The following HDAC6 variants were observed in gnomAD, a reference collection of about 807,000 sequenced individuals.
The protein encoded by HDAC6 is protein deacetylase HDAC6.
In HDAC6, 5 loss-of-function variants were observed where a neutral mutation model predicts 88.9. The observed-to-expected ratio is 0.06, with a 90% CI of 0.03 to 0.12. The LOEUF (loss-of-function observed/expected upper bound fraction) is 0.12, where lower values mean the gene tolerates loss of function less well. HDAC6 is among the 10% of genes least tolerant of loss of function. HDAC6 has a pLI of 1.00. For synonymous variants in HDAC6, 378 were observed against 398.0 expected (o/e 0.95, Z 0.60); for missense variants, 706 against 1,014.4 (o/e 0.70, Z 4.13).
chrX:48,803,518 A>T (rs2147324724), intron 4 of HDAC6: 1 of 275,152 alleles, frequency 3.6e-6, no homozygotes, highest in Admixed American at 5.4e-5. Context: ...GAGGTGTTTA[A>T]TGAAGACAGA....
rs1557023854 is a variant in HDAC6 at position 48,805,452 on chromosome X, C to T, written c.326C>T (p.Pro109Leu). 1 of 1,209,551 alleles carries T rather than the reference C, an allele frequency of 8.3e-7. No individual in the cohort carries two copies. Among genetic ancestry groups the T allele is most frequent in the Non-Finnish European group, 1.1e-6 (1 of 893,935 alleles). ...CATCTCCCCAGCTTCCCGGAAGGCC[C>T]TGAGCGGCTCCATGCCATCAAGGAG... Reference protein sequence around the residue: ...CLWDDSFPEGPERLHAIKEQL... With the variant: ...CLWDDSFPEGLERLHAIKEQL... Residue 109 changes from proline to leucine, a missense_variant, in exon 5 of 29, where the codon CCT becomes CTT. By Grantham distance (98) the Pro-to-Leu change is moderately conservative. Transcript: ENST00000334136.
At chrX:48,814,352 G>T in intron 10 of HDAC6, 88 bp from the exon 11 acceptor site, 1 of 949,075 alleles carries the variant, frequency 1.1e-6, no homozygotes, top group South Asian at 2.2e-5. Context: ...GGAAATGAGT[G>T]GTAGAGGAAA....
intron 8 of HDAC6, chrX:48,807,057 G>A (rs1000655280): frequency 1.5e-5 from 2 of 134,664 alleles, no homozygotes; most frequent in Admixed American, 1.7e-4. Context: ...AGTATTTTCT[G>A]CTTCGTTTTT....
chrX:48,803,445 G>A, intron 4 of HDAC6: 3 of 398,770 alleles, frequency 7.5e-6, no homozygotes, highest in Non-Finnish European at 1.3e-5. Flanking sequence ...ACAGACAGGG[G>A]TCCTTCTCTA....
chrX:48,805,424 C>G lies in HDAC6; in HGVS notation c.312-14C>G. 1.7e-6 allele frequency: 2 copies of G among 1,188,942 alleles called. No homozygotes were observed. Among genetic ancestry groups the G allele is most frequent in the Non-Finnish European group, 2.3e-6 (2 of 876,772 alleles). On this transcript the variant is annotated splice_polypyrimidine_tract_variant and intron_variant, in intron 4 of 28. Coordinates refer to ENST00000334136, the MANE Select transcript of HDAC6 (RefSeq NM_006044.4). Reference sequence around the variant, plus strand: ...TGTCCTCATGCATCTGTGACTGTGACTCCATCTCCCCAGCTTCCCGGAAGG... The same window carrying G: ...TGTCCTCATGCATCTGTGACTGTGAGTCCATCTCCCCAGCTTCCCGGAAGG...
chrX:48,820,091 C>T lies in HDAC6; in HGVS notation c.2188-15C>T. 8.3e-7 allele frequency: 1 copy of T among 1,209,418 alleles called. No homozygotes were observed. Among genetic ancestry groups the T allele is most frequent in the Non-Finnish European group, 1.1e-6 (1 of 894,281 alleles). On this transcript the variant is annotated splice_polypyrimidine_tract_variant and intron_variant, in intron 22 of 28. Coordinates refer to ENST00000334136, the MANE Select transcript of HDAC6 (RefSeq NM_006044.4). ...CTACCCTCATGCTTATACATCTCTT[C>T]TCTCCCTGCCTCAGTTTAACCCAGA...
chrX:48,822,983 A>C lies in HDAC6; in HGVS notation c.2584A>C (p.Arg862=), dbSNP rs781879219. ...GAAGGCACCCCAACCAGCCAAACCT[A>C]GGTTAGCTGAGCGGATGACCACACG... ...TKKAPQPAKP[R]LAERMTTREK... Residue 862 remains arginine, a synonymous_variant, in exon 25 of 29, where the codon AGG becomes CGG. Transcript: ENST00000334136. 4.1e-6 allele frequency: 5 copies of C among 1,209,898 alleles called. No individual in the cohort carries two copies. Among genetic ancestry groups the C allele is most frequent in the Non-Finnish European group, 5.6e-6 (5 of 894,436 alleles).
At chrX:48,806,531 C>T in intron 7 of HDAC6, 67 bp downstream of exon 7, 1 of 1,069,713 alleles carries the variant, frequency 9.3e-7, no homozygotes, top group South Asian at 1.9e-5. Flanking sequence ...TATGCCCACC[C>T]CACCCTGGGG....
chrX:48,818,575 C>T (rs1483148221), intron 22 of HDAC6, among the ~76,000 whole-genome samples, 163 bp downstream of exon 22: 1 of 112,278 alleles, frequency 8.9e-6, no homozygotes, highest in Non-Finnish European at 1.9e-5. Flanking sequence ...TGGCTGTGAT[C>T]ACCTTGTGTA....
At chrX:48,820,994 C>T (rs4824729) in intron 23 of HDAC6, among the ~76,000 whole-genome samples, 42 of 110,312 alleles carry the variant, frequency 3.8e-4, no homozygotes, top group Non-Finnish European at 6.8e-4. Flanking sequence ...CCCGCCACCA[C>T]GCCCAGCTAA....
chrX:48,821,768 A>T (rs782307222), intron 23 of HDAC6, among the ~76,000 whole-genome samples: 74 of 111,542 alleles, frequency 6.6e-4, no homozygotes, highest in African/African-American at 2.3e-3. Context: ...TCGGCCTCCC[A>T]AAGTGCTGGG....
Position 48,808,151 on chromosome X carries a change from G to A in HDAC6, c.737+14G>A, listed in dbSNP as rs2147341135. 2.5e-6 allele frequency: 3 copies of A among 1,180,297 alleles called. No homozygotes were observed. Among genetic ancestry groups the A allele is most frequent in the East Asian group, 3.0e-5 (1 of 33,423 alleles). ...CCGCATCCGGAGGTCAGCAACAGAG[G>A]GCAGATGTGATGGGGGTGGCATGGG... is the stretch of plus-strand genomic sequence containing the variant. On this transcript the variant is annotated intron_variant, in intron 9 of 28. Transcript: ENST00000334136.
At position 48,822,764 on chromosome X, in the gene HDAC6, C is replaced by T. The variant is rs950227357; in HGVS notation, c.2482C>T (p.Arg828Cys). The T allele has an allele frequency of 5.0e-6, 6 of 1,202,878 alleles. No homozygotes were observed. Among genetic ancestry groups the T allele is most frequent in the Admixed American group, 2.2e-5 (1 of 44,657 alleles). Residue 828 changes from arginine (R) to cysteine (C), a missense_variant, in exon 24 of 29, where the codon CGC becomes TGC. Arg to Cys is a radical substitution (Grantham distance 180). Coordinates refer to ENST00000334136, the MANE Select transcript of HDAC6 (RefSeq NM_006044.4). ...ASITETIQVHRRYWRSLRVMK... is the reference protein window; with the variant it reads ...ASITETIQVHCRYWRSLRVMK... ...AATCACTGAGACCATCCAAGTCCAT[C>T]GCAGATACTGGCGCAGCTTACGGGT... is the stretch of plus-strand genomic sequence containing the variant.
In HDAC6 at chrX:48,823,675, G is replaced by A; in HGVS notation, c.3193G>A (p.Ala1065Thr). ...TLELGSESQG[A>T]SESQAPGEEN... ...TCTCTTACTTCTGCGTGTCCAGGGG[G>A]CCTCAGAATCTCAGGCCCCAGGAGA... is the stretch of plus-strand genomic sequence containing the variant. The change falls in exon 26 of 29, where the codon GCC (alanine) becomes ACC (threonine). Residue 1065 changes from alanine (A) to threonine (T), a missense_variant. Ala to Thr is a moderately conservative substitution (Grantham distance 58). Around this residue, in one of 9 missense-constraint regions of HDAC6, gnomAD observed 112 missense variants for 95.1 expected, o/e 1.18. Coordinates refer to ENST00000334136, the MANE Select transcript of HDAC6 (RefSeq NM_006044.4). The A allele has an allele frequency of 1.7e-6, 2 of 1,204,429 alleles. No individual in the cohort carries two copies. Among genetic ancestry groups the A allele is most frequent in the Non-Finnish European group, 2.2e-6 (2 of 890,145 alleles).
At position 48,816,167 on chromosome X, in the gene HDAC6, T is replaced by C; in HGVS notation, c.1520T>C (p.Ile507Thr). The change falls in exon 18 of 29, where the codon ATC becomes ACC. Residue 507 changes from isoleucine (I) to threonine (T), a missense_variant. By Grantham distance (89) the Ile-to-Thr change is moderately conservative (BLOSUM62 -1). This residue lies in a region of HDAC6 where 106 missense variants were observed against 135.1 expected (regional missense o/e 0.78). Transcript: ENST00000334136. Reference sequence around the variant, plus strand: ...CACCACCCTGAGGTACCCCAGCGCATCTTGCGGATCATGTGCCGTCTGGAG... The same window carrying C: ...CACCACCCTGAGGTACCCCAGCGCACCTTGCGGATCATGTGCCGTCTGGAG... ...DSHHPEVPQR[I>T]LRIMCRLEEL... 8.3e-7 allele frequency: 1 copy of C among 1,211,184 alleles called. No individual in the cohort carries two copies. The highest frequency in any genetic ancestry group is 1.1e-6 in the Non-Finnish European group (1 of 895,503).
At chrX:48,818,695 C>T (rs1326057443) in intron 22 of HDAC6, among the ~76,000 whole-genome samples, 1 of 112,213 alleles carries the variant, frequency 8.9e-6, no homozygotes, top group Non-Finnish European at 1.9e-5. Context: ...TGGCCCGTGT[C>T]CTGGCTGGAT....
At chrX:48,813,484 C>G (rs986313472) in intron 10 of HDAC6, 8 of 111,730 alleles carry the variant, frequency 7.2e-5, no homozygotes, top group Non-Finnish European at 1.5e-4. Flanking sequence ...CAATGCATAC[C>G]ACTATTTCTT....
chrX:48,810,110 C>G (rs2008290), intron 10 of HDAC6, among the ~76,000 whole-genome samples: 12,279 of 104,978 alleles, frequency 0.12, 797 homozygotes, highest in Middle Eastern at 0.18. Flanking sequence ...GGGTATCACT[C>G]TGTCACCCAG....
chrX:48,805,473 A>G lies in HDAC6; in HGVS notation c.347A>G (p.Lys116Arg). The change falls in exon 5 of 29, where the codon AAG becomes AGG. Residue 116 changes from lysine (K) to arginine (R), a missense_variant. Physicochemically the swap from Lys to Arg is conservative, Grantham distance 26 (BLOSUM62 2). Transcript: ENST00000334136. The part of the protein sequence containing the change: ...PEGPERLHAI[K>R]EQLIQEGLLD... ...GGCCCTGAGCGGCTCCATGCCATCAAGGAGCAACTGATCCAGGAGGGCCTC... is the reference window on the plus strand; with the variant it reads ...GGCCCTGAGCGGCTCCATGCCATCAGGGAGCAACTGATCCAGGAGGGCCTC... 1 of 1,210,163 alleles carries G rather than the reference A, an allele frequency of 8.3e-7. No homozygotes were observed. Among genetic ancestry groups the G allele is most frequent in the Non-Finnish European group, 1.1e-6 (1 of 894,276 alleles).
Sources: gnomAD v4.1 joint callset for allele counts (sites outside exome capture counted in the v4.1 genomes callset) on GRCh38, gnomAD v4.1.1 for gene constraint, gnomAD v4.1.1 regional missense constraint, MANE v1.5 for transcripts, NCBI Gene and HGNC (gene_info 2026-07-23, HGNC 2026-07-21) for gene names.